Variants in LAIR2 observed in about 807,000 individuals in gnomAD.
The protein encoded by LAIR2 is leukocyte associated immunoglobulin like receptor 2, also known as leukocyte-associated immunoglobulin-like receptor 2.
LAIR2 carries 14 observed loss-of-function variants against 14.8 expected under a neutral mutation model. The observed-to-expected ratio is 0.95, with a 90% CI of 0.62 to 1.48. The LOEUF (loss-of-function observed/expected upper bound fraction) is 1.48. LAIR2 is among the 40% of genes most tolerant of loss of function. LAIR2 has a pLI of 0.00. For missense variants in LAIR2, 172 were observed against 180.9 expected (o/e 0.95, Z 0.28); for synonymous variants, 75 against 74.5 (o/e 1.01, Z -0.03).
At chr19:54,504,370 A>G (rs1237706447) in intron 2 of LAIR2, among the ~76,000 whole-genome samples, 1 of 152,210 alleles carries the variant, frequency 6.6e-6, no homozygotes, top group Non-Finnish European at 1.5e-5. Flanking sequence ...GCTAAATAAC[A>G]TATCAATCAC....
At chr19:54,503,579 G>A in intron 1 of LAIR2, 121 bp from the exon 2 acceptor site, 1 of 1,157,134 alleles carries the variant, frequency 8.6e-7, no homozygotes, top group Non-Finnish European at 1.3e-6. Flanking sequence ...ATGTCGAGGA[G>A]GGTTGGCTTG....
chr19:54,508,093 A>C lies in LAIR2; in HGVS notation c.273A>C (p.Val91=). 2 of 1,614,178 alleles carry C rather than the reference A, an allele frequency of 1.2e-6. No homozygotes were observed. The highest frequency in any genetic ancestry group is 1.7e-6 in the Non-Finnish European group (2 of 1,180,000). Residue 91 remains valine (V), a synonymous_variant, in exon 3 of 5, where the codon GTA becomes GTC. Transcript: ENST00000301202. ...ESEARFHIDS[V]SEGNAGLYRC... is the part of the protein sequence containing the mutation. The stretch of plus-strand genomic sequence containing the variant: ...AGGCCAGATTCCACATTGACTCAGT[A>C]AGTGAAGGAAATGCCGGGCTTTATC...
chr19:54,506,068 G>A (rs971374573), intron 2 of LAIR2, among the ~76,000 whole-genome samples: 27 of 151,992 alleles, frequency 1.8e-4, no homozygotes, highest in South Asian at 4.2e-4. Context: ...CAGGTGAGCC[G>A]CCCACCTCGG....
chr19:54,506,451 C>A (rs1221464342), intron 2 of LAIR2, among the ~76,000 whole-genome samples: 2 of 151,800 alleles, frequency 1.3e-5, no homozygotes, highest in African/African-American at 4.9e-5. Flanking sequence ...CCCTGGTGTC[C>A]CCTGTCTGCT....
At chr19:54,507,319 G>A (rs1175843094) in intron 2 of LAIR2, among the ~76,000 whole-genome samples, 1 of 150,728 alleles carries the variant, frequency 6.6e-6, no homozygotes, top group Admixed American at 6.6e-5. Context: ...ATCTGCATTA[G>A]CAATGGGGAC....
Position 54,510,648 on chromosome 19 carries a change from C to T in LAIR2, c.*79C>T. 1 of 1,488,610 alleles carries T rather than the reference C, an allele frequency of 6.7e-7. No homozygotes were observed. The highest frequency in any genetic ancestry group is 2.3e-5 in the East Asian group (1 of 44,236). 92.2% of individuals were successfully genotyped at this position (1,488,610 alleles called of 1,614,324 possible). ...AATGAGCAATAGAAATGCACAGATG[C>T]CTATACATACATATACAAATAAAAA... On this transcript the variant is annotated 3_prime_UTR_variant, in exon 5 of 5. Transcript: ENST00000301202.
In LAIR2 at chr19:54,503,733, A is replaced by C. The variant is rs56301425; in HGVS notation, c.68A>C (p.Glu23Ala). 1.7e-4 allele frequency: 277 copies of C among 1,614,036 alleles called. 2 individuals are homozygous for C. In the African/African-American group the frequency reaches 3.1e-3, roughly 18 times the overall value. ...LCLAQTIHTQEGALPRPSISA... is the reference protein window; with the variant it reads ...LCLAQTIHTQAGALPRPSISA... ...CTGGCCCAGACCATCCACACGCAGG[A>C]GGGTAAGTCATGCCTTCGTCCCGTC... is the stretch of plus-strand genomic sequence containing the variant. The change falls in exon 2 of 5, where the codon GAG becomes GCG. Residue 23 changes from glutamate to alanine, a missense_variant and splice_region_variant. Transcript: ENST00000301202.
intron 2 of LAIR2, among the ~76,000 whole-genome samples, chr19:54,507,176 C>T (rs960496863): frequency 6.6e-6 from 1 of 151,080 alleles, no homozygotes; most frequent in African/African-American, 2.4e-5. Flanking sequence ...CAAACCCGCC[C>T]TTCCTCCTCC....
At position 54,507,902 on chromosome 19, in the gene LAIR2, A is replaced by G; in HGVS notation, c.82A>G (p.Arg28Gly). 1 of 1,613,956 alleles carries G rather than the reference A, an allele frequency of 6.2e-7. No homozygotes were observed. The highest frequency in any genetic ancestry group is 8.5e-7 in the Non-Finnish European group (1 of 1,179,876). The change falls in exon 3 of 5, where the codon AGA becomes GGA. Residue 28 changes from arginine (R) to glycine (G), a missense_variant. Transcript: ENST00000301202. ...TGCTTCCCTCTTAGGGGCCCTTCCC[A>G]GACCCTCCATCTCGGCTGAGCCAGG... ...TIHTQEGALP[R>G]PSISAEPGTV...
intron 1 of LAIR2, among the ~76,000 whole-genome samples, chr19:54,503,199 A>G (rs2085306268): frequency 6.6e-6 from 1 of 151,976 alleles, no homozygotes; most frequent in Non-Finnish European, 1.5e-5. Context: ...CGGTGCTCAC[A>G]CCTGTAATCC....
intron 2 of LAIR2, 24 bp from the exon 3 acceptor site, chr19:54,507,867 G>C: frequency 6.2e-7 from 1 of 1,604,832 alleles, no homozygotes; most frequent in African/African-American, 1.3e-5. Flanking sequence ...TGGACGCTGA[G>C]ATCCTTCTTT....
intron 2 of LAIR2, among the ~76,000 whole-genome samples, chr19:54,504,499 C>T (rs1312829636): frequency 7.2e-6 from 1 of 138,198 alleles, no homozygotes; most frequent in Non-Finnish European, 1.7e-5. Flanking sequence ...AAACTTACTC[C>T]TCCTGTTTAA....
At chr19:54,504,904 C>T (rs962453593) in intron 2 of LAIR2, among the ~76,000 whole-genome samples, 1 of 152,160 alleles carries the variant, frequency 6.6e-6, no homozygotes, top group African/African-American at 2.4e-5. Context: ...GCCACTGCAC[C>T]CGGCCGAGAT....
At chr19:54,507,773 C>G (rs190842098) in intron 2 of LAIR2, 118 bp from the exon 3 acceptor site, 2 of 955,776 alleles carry the variant, frequency 2.1e-6, no homozygotes, top group Non-Finnish European at 3.2e-6. Context: ...GGGCTGTGGT[C>G]GTGGCTGCAT....
At chr19:54,505,684 T>G (rs1471866067) in intron 2 of LAIR2, among the ~76,000 whole-genome samples, 6 of 152,190 alleles carry the variant, frequency 3.9e-5, no homozygotes, top group Admixed American at 1.3e-4. Context: ...CCTCTCTTTG[T>G]TCTGGACATG....
chr19:54,503,851 A>G, intron 2 of LAIR2, 116 bp downstream of exon 2: 1 of 1,296,870 alleles, frequency 7.7e-7, no homozygotes, highest in Non-Finnish European at 1.1e-6. Context: ...AATATACCCT[A>G]GATTGCAAAC....
chr19:54,503,552 A>T (rs1298898352), intron 1 of LAIR2, 148 bp from the exon 2 acceptor site: 10 of 929,496 alleles, frequency 1.1e-5, no homozygotes, highest in African/African-American at 1.6e-5. Context: ...AGCAAGAAGG[A>T]TTACATGGAG....
intron 2 of LAIR2, among the ~76,000 whole-genome samples, chr19:54,506,334 C>T (rs78099004): frequency 0.026 from 3,961 of 152,186 alleles, 141 homozygotes; most frequent in African/African-American, 0.088. Flanking sequence ...TAATGTAATA[C>T]ATTGTTATTA....
intron 3 of LAIR2, among the ~76,000 whole-genome samples, chr19:54,508,727 T>A (rs771371635): frequency 1.3e-5 from 2 of 152,286 alleles, no homozygotes; most frequent in Non-Finnish European, 2.9e-5. Context: ...CAGCCCGAGA[T>A]GTCCTGGAGT....
Sources: allele counts gnomAD v4.1 joint callset (sites outside exome capture counted in the v4.1 genomes callset), GRCh38; gene constraint gnomAD v4.1.1; transcripts MANE v1.5; gene names NCBI Gene and HGNC (gene_info 2026-07-23, HGNC 2026-07-21).